ALS2: variants seen among roughly 807,000 people sequenced by gnomAD.
The protein encoded by ALS2 is alsin Rho guanine nucleotide exchange factor ALS2, also known as alsin.
ALS2 carries 117 observed loss-of-function variants against 203.4 expected under a neutral mutation model. That is an observed-to-expected ratio of 0.58 (90% CI 0.50 to 0.67). ALS2 has a LOEUF of 0.67. ALS2 is among the 30% of genes least tolerant of loss of function. The pLI, the probability that ALS2 is intolerant of heterozygous loss-of-function variation, is 0.00. For missense variants in ALS2, 1,715 were observed against 1,989.4 expected, an observed-to-expected ratio of 0.86 and a Z score of 2.62; for synonymous variants, 718 against 725.9, an observed-to-expected ratio of 0.99 and a Z score of 0.17.
chr2:201,757,276 T>C lies in ALS2; in HGVS notation c.1471+126A>G. On this transcript the variant is annotated intron_variant, in intron 5 of 33. Transcript: ENST00000264276. ...ACTTTCTTTTAAAACCACCATTAAA[T>C]AAATATTCACATTTGAATATGTCAG... The C allele has an allele frequency of 4.9e-6, 4 of 821,168 alleles. No individual in the cohort carries two copies. In the South Asian group the frequency reaches 6.0e-5, roughly 12 times the overall value. The allele number at this position is 821,168 out of a possible 1,614,324, so 50.9% of individuals were successfully genotyped here.
At position 201,700,946 on chromosome 2, in the gene ALS2, G is replaced by A. The variant is rs563656616; in HGVS notation, c.*905C>T. 3 of 152,368 alleles carry A rather than the reference G, an allele frequency of 2.0e-5. No homozygotes were observed. Among genetic ancestry groups the A allele is most frequent in the Middle Eastern group, 6.8e-3 (2 of 294 alleles). The allele number at this position is 152,368 out of a possible 1,614,324, so 9.4% of individuals were successfully genotyped here. ...TGAGTTCAGTGTGAAGTATAGGGAA[G>A]AACAACACCAGGCTGGGGATCGATG... On this transcript the variant is annotated 3_prime_UTR_variant, in exon 34 of 34. Coordinates refer to ENST00000264276, the MANE Select transcript of ALS2 (RefSeq NM_020919.4).
In ALS2 at chr2:201,728,754, AGC is replaced by A. The variant is rs879848734; in HGVS notation, c.2713-116_2713-115del. On this transcript the variant is annotated intron_variant, in intron 14 of 33. Transcript: ENST00000264276. ...TAAGGGAATTTGCTGGTCGTAGCTT[AGC>A]TTGGTGTAAAATCTAAATTTATATG... 2.8e-4 allele frequency: 366 copies of A among 1,295,246 alleles called. No homozygotes were observed. The Middle Eastern group carries it at 3.4e-3, about 12-fold the overall frequency. 80.2% of individuals were successfully genotyped at this position (1,295,246 alleles called of 1,614,324 possible). A position where few individuals can be genotyped will look rare whatever the true frequency, so the allele number is the denominator to read the frequency against.
At chr2:201,710,801 G>C (rs1316418716) in intron 26 of ALS2, among the ~76,000 whole-genome samples, 190 bp downstream of exon 26, 3 of 152,114 alleles carry the variant, frequency 2.0e-5, no homozygotes, top group Non-Finnish European at 2.9e-5. Flanking sequence ...ACTTTAAAAA[G>C]TTCTATCATA....
intron 1 of ALS2, among the ~76,000 whole-genome samples, chr2:201,769,232 T>C (rs1415680496): frequency 1.3e-5 from 2 of 152,066 alleles, no homozygotes; most frequent in Non-Finnish European, 2.9e-5. Flanking sequence ...TTTTTTATTA[T>C]AAAGAAAAAA....
chr2:201,718,772 A>G (rs1334076163), intron 23 of ALS2, among the ~76,000 whole-genome samples: 2 of 152,212 alleles, frequency 1.3e-5, no homozygotes, highest in African/African-American at 4.8e-5. Flanking sequence ...ATGACCATAC[A>G]ATATATCAAA....
At chr2:201,776,558 T>C (rs77145823) in intron 1 of ALS2, among the ~76,000 whole-genome samples, 1,666 of 152,302 alleles carry the variant, frequency 0.011, 25 homozygotes, top group African/African-American at 0.036. Flanking sequence ...CTGCCACTAT[T>C]TGTGCCTGTT....
chr2:201,704,613 A>C lies in ALS2; in HGVS notation c.4689-10T>G. The C allele has an allele frequency of 6.2e-7, 1 of 1,614,066 alleles. No homozygotes were observed. Among genetic ancestry groups the C allele is most frequent in the Non-Finnish European group, 8.5e-7 (1 of 1,179,956 alleles). ...TGGGGTAAATGTTGTGCTGTTACAG[A>C]AACAATGACAAAAAGACATCCTATA... On this transcript the variant is annotated splice_polypyrimidine_tract_variant and intron_variant, in intron 31 of 33. Transcript: ENST00000264276.
At chr2:201,722,023 A>C (rs1006687359) in intron 23 of ALS2, 8 of 152,232 alleles carry the variant, frequency 5.3e-5, no homozygotes, top group African/African-American at 1.7e-4. Context: ...TATTAAAATG[A>C]AAAACTTTTC....
intron 23 of ALS2, chr2:201,720,050 A>T (rs1018817222): frequency 5.3e-6 from 2 of 377,178 alleles, no homozygotes; most frequent in Non-Finnish European, 1.0e-5. Flanking sequence ...AGAAGAAATA[A>T]TACCAAAGCT....
intron 1 of ALS2, among the ~76,000 whole-genome samples, chr2:201,773,692 T>C (rs1694524855): frequency 6.6e-6 from 1 of 152,198 alleles, no homozygotes; most frequent in Admixed American, 6.5e-5. Context: ...GTATGGATAG[T>C]GTTTAAAAAC....
chr2:201,709,849 A>G, intron 27 of ALS2, 32 bp downstream of exon 27: 2 of 1,613,462 alleles, frequency 1.2e-6, no homozygotes, highest in Non-Finnish European at 1.7e-6. Flanking sequence ...AGTATTCCAT[A>G]GCCCGCAGAC....
chr2:201,728,193 C>T (rs1691313672), intron 15 of ALS2, among the ~76,000 whole-genome samples: 1 of 152,048 alleles, frequency 6.6e-6, no homozygotes, highest in African/African-American at 2.4e-5. Context: ...TATGCTGCAC[C>T]CATTAACTCG....
intron 1 of ALS2, among the ~76,000 whole-genome samples, chr2:201,772,334 G>A (rs1255492503): frequency 6.6e-6 from 1 of 152,160 alleles, no homozygotes; most frequent in Non-Finnish European, 1.5e-5. Context: ...TTAGAAAGAT[G>A]AGCTACAACC....
chr2:201,717,478 CAAAAA>C (rs112096355), intron 24 of ALS2, among the ~76,000 whole-genome samples: 1 of 117,286 alleles, frequency 8.5e-6, no homozygotes. Flanking sequence ...CTCCCACCTC[CAAAAA>C]AAAAAAAAAA....
intron 13 of ALS2, among the ~76,000 whole-genome samples, chr2:201,732,745 A>AAG (rs1691653418): frequency 1.3e-5 from 2 of 152,270 alleles, no homozygotes; most frequent in African/African-American, 4.8e-5. Context: ...GTGTGGTGCT[A>AAG]ACTTCCTAGG....
At chr2:201,740,837 G>A (rs1054510950) in intron 11 of ALS2, among the ~76,000 whole-genome samples, 1 of 152,134 alleles carries the variant, frequency 6.6e-6, no homozygotes, top group African/African-American at 2.4e-5. Context: ...ATGTTATTAT[G>A]TTATAAATAA....
intron 3 of ALS2, chr2:201,763,095 T>A (rs1422163622): frequency 1.1e-5 from 2 of 185,220 alleles, no homozygotes; most frequent in African/African-American, 4.8e-5. Flanking sequence ...AGGTGTTTGT[T>A]GCCACTGGGG....
rs1203228685 is a variant in ALS2, at chr2:201,701,815, G to A, written c.*36C>T. ...ACTCCAGATGGTGTTATAACACTCT[G>A]TAGTAGATAATCCAGTTTTCAAGCT... On this transcript the variant is annotated 3_prime_UTR_variant, in exon 34 of 34. Coordinates refer to ENST00000264276, the MANE Select transcript of ALS2 (RefSeq NM_020919.4). The A allele has an allele frequency of 6.2e-7, 1 of 1,603,126 alleles. No homozygotes were observed. The highest frequency in any genetic ancestry group is 1.3e-5 in the African/African-American group (1 of 74,626).
At chr2:201,756,046 G>C (rs910343215) in intron 5 of ALS2, among the ~76,000 whole-genome samples, 3 of 152,110 alleles carry the variant, frequency 2.0e-5, no homozygotes, top group African/African-American at 7.2e-5. Flanking sequence ...TTCTTAGAGA[G>C]GGGGAAAAGA....
Sources: gnomAD v4.1 joint callset for allele counts (sites outside exome capture counted in the v4.1 genomes callset) on GRCh38, gnomAD v4.1.1 for gene constraint, MANE v1.5 for transcripts, NCBI Gene and HGNC (gene_info 2026-07-23, HGNC 2026-07-21) for gene names.